Variants in SMG1 observed in about 807,000 individuals in gnomAD.
The protein encoded by SMG1 is serine/threonine-protein kinase SMG1.
A neutral mutation model predicts 419.9 loss-of-function variants in SMG1; 22 were observed. The ratio of observed to expected loss-of-function variants is 0.05; its 90% CI spans 0.04 to 0.07. SMG1 has a LOEUF of 0.07. Among genes scored for constraint, SMG1 ranks in the 10% least tolerant of loss-of-function variants. The pLI is 1.00. For missense variants in SMG1, 3,185 were observed against 4,342.0 expected (o/e 0.73, Z 7.49); for synonymous variants, 1,538 against 1,553.5 (o/e 0.99, Z 0.23).
chr16:18,862,458 TCAA>T (rs1438189085), intron 25 of SMG1, among the ~76,000 whole-genome samples: 5 of 152,222 alleles, frequency 3.3e-5, no homozygotes, highest in Non-Finnish European at 7.3e-5. Context: ...TGCAAATCTC[TCAA>T]GCTTAGACTT....
chr16:18,919,347 G>C (rs992560964), intron 1 of SMG1, among the ~76,000 whole-genome samples: 1 of 149,854 alleles, frequency 6.7e-6, no homozygotes, highest in African/African-American at 2.5e-5. Flanking sequence ...ATTTATGACC[G>C]GGCACGGTGG....
intron 1 of SMG1, 60 bp from the exon 2 acceptor site, chr16:18,897,016 A>G: frequency 8.0e-7 from 1 of 1,246,500 alleles, no homozygotes; most frequent in Non-Finnish European, 1.1e-6. Flanking sequence ...ATATTTCTTT[A>G]TACAAGCCTC....
chr16:18,818,109 G>A (rs1284593780), intron 56 of SMG1, among the ~76,000 whole-genome samples: 2 of 151,728 alleles, frequency 1.3e-5, no homozygotes, highest in African/African-American at 4.8e-5. Context: ...TTGGCCAGGT[G>A]TGGTGGCTCA....
At chr16:18,831,743 A>C (rs1352854831) in intron 51 of SMG1, among the ~76,000 whole-genome samples, 6 of 122,876 alleles carry the variant, frequency 4.9e-5, no homozygotes, top group Admixed American at 8.7e-5. Context: ...CGACACAGCA[A>C]GACTCCATCT....
rs1409281447 is a variant in SMG1 at position 18,892,158 on chromosome 16, A to T, written c.549+60T>A. ...CCATTCTTAAACTACTCAAGGTAGC[A>T]TTACCTAGTTTATTATGGAAACACA... On this transcript the variant is annotated intron_variant, in intron 4 of 62. Coordinates refer to ENST00000446231, the MANE Select transcript of SMG1 (RefSeq NM_015092.5). 3 of 1,094,660 alleles carry T rather than the reference A, an allele frequency of 2.7e-6. No individual in the cohort carries two copies. The East Asian group carries it at 7.7e-5, about 28-fold the overall frequency. 67.8% of individuals were successfully genotyped at this position (1,094,660 alleles called of 1,614,324 possible).
chr16:18,844,750 A>T (rs2034161113), intron 39 of SMG1, among the ~76,000 whole-genome samples: 1 of 152,086 alleles, frequency 6.6e-6, no homozygotes, highest in Non-Finnish European at 1.5e-5. Flanking sequence ...CACTGCTCAA[A>T]TTCAGTAAGG....
intron 55 of SMG1, among the ~76,000 whole-genome samples, chr16:18,820,476 T>C (rs1008513481): frequency 5.3e-5 from 8 of 152,216 alleles, no homozygotes; most frequent in Admixed American, 3.3e-4. Flanking sequence ...AGTGCTGGGA[T>C]TATAGGCATG....
intron 55 of SMG1, among the ~76,000 whole-genome samples, chr16:18,820,367 T>C (rs942083963): frequency 2.6e-5 from 4 of 151,660 alleles, no homozygotes; most frequent in Non-Finnish European, 5.9e-5. Flanking sequence ...CATGCCCAAC[T>C]AATTTTTTGT....
At chr16:18,910,649 C>T (rs1307113977) in intron 1 of SMG1, among the ~76,000 whole-genome samples, 4 of 151,884 alleles carry the variant, frequency 2.6e-5, no homozygotes, top group Admixed American at 6.6e-5. Context: ...CCACCATGCC[C>T]GGCCCAAAAT....
chr16:18,886,056 T>C (rs1769136831), intron 6 of SMG1, among the ~76,000 whole-genome samples: 1 of 152,204 alleles, frequency 6.6e-6, no homozygotes, highest in Non-Finnish European at 1.5e-5. Flanking sequence ...TTTGTTAATA[T>C]TAGTCCTTTG....
intron 3 of SMG1, among the ~76,000 whole-genome samples, chr16:18,893,756 G>GGTAAA (rs1230747087): frequency 1.4e-5 from 2 of 148,062 alleles, no homozygotes; most frequent in African/African-American, 2.5e-5. Flanking sequence ...AGAAAACATT[G>GGTAAA]GTAAAAAAAG....
chr16:18,882,196 C>A lies in SMG1; in HGVS notation c.1262G>T (p.Gly421Val). Reference protein sequence around the residue: ...SIGERFSPIRGPPITEAYVTD... With the variant: ...SIGERFSPIRVPPITEAYVTD... ...TACATATGCCTCAGTAATTGGAGGA[C>A]CCCGAATTGGGCTGAAGCGTTCCCC... Residue 421 changes from glycine to valine, a missense_variant, in exon 10 of 63, where the codon GGT becomes GTT. Gly to Val is a moderately radical substitution (Grantham distance 109). Transcript: ENST00000446231. 1 of 1,587,174 alleles carries A rather than the reference C, an allele frequency of 6.3e-7. No homozygotes were observed. Among genetic ancestry groups the A allele is most frequent in the Non-Finnish European group, 8.6e-7 (1 of 1,168,196 alleles).
chr16:18,815,697 G>C lies in SMG1; in HGVS notation c.10303-46C>G, dbSNP rs74752226. 3.1e-3 allele frequency: 4,723 copies of C among 1,518,372 alleles called. 129 individuals carry two copies. In the African/African-American group the frequency reaches 0.058, roughly 19 times the overall value. 94.1% of individuals were successfully genotyped at this position (1,518,372 alleles called of 1,614,324 possible). A position where few individuals can be genotyped will look rare whatever the true frequency, so the allele number is the denominator to read the frequency against. On this transcript the variant is annotated intron_variant, in intron 58 of 62. Transcript: ENST00000446231. ...ATTAAGAAAAATAGTTTTAGTATCA[G>C]TAATTACTCTCAAGACAGTCACCTA...
At chr16:18,918,806 C>G (rs1397217424) in intron 1 of SMG1, among the ~76,000 whole-genome samples, 1 of 152,046 alleles carries the variant, frequency 6.6e-6, no homozygotes, top group Non-Finnish European at 1.5e-5. Flanking sequence ...CACCTGAGGT[C>G]AGGAGTTCAA....
chr16:18,894,869 G>A (rs563191268), intron 3 of SMG1, among the ~76,000 whole-genome samples: 1 of 152,162 alleles, frequency 6.6e-6, no homozygotes, highest in East Asian at 1.9e-4. Context: ...CCAGGCTGGG[G>A]TGCAGTGGCG....
At chr16:18,897,394 A>G (rs1005124067) in intron 1 of SMG1, among the ~76,000 whole-genome samples, 2 of 152,202 alleles carry the variant, frequency 1.3e-5, no homozygotes, top group African/African-American at 2.4e-5. Flanking sequence ...CTGTCATAAA[A>G]ATAAAAAACA....
intron 39 of SMG1, among the ~76,000 whole-genome samples, chr16:18,844,964 A>G (rs779219833): frequency 7.2e-5 from 11 of 152,238 alleles, no homozygotes; most frequent in African/African-American, 1.2e-4. Context: ...CATCCCACGC[A>G]GCATATGTGG....
chr16:18,913,406 T>C (rs766499542), intron 1 of SMG1, among the ~76,000 whole-genome samples: 8 of 152,128 alleles, frequency 5.3e-5, no homozygotes, highest in East Asian at 1.9e-4. Context: ...TAACATCAGG[T>C]TGAAATGCTA....
At chr16:18,891,150 T>TA (rs2036857922) in intron 4 of SMG1, among the ~76,000 whole-genome samples, 1 of 152,166 alleles carries the variant, frequency 6.6e-6, no homozygotes, top group Admixed American at 6.5e-5. Flanking sequence ...AACAAAAAAA[T>TA]AAACTCAAAA....
Sources: allele counts gnomAD v4.1 joint callset (sites outside exome capture counted in the v4.1 genomes callset), GRCh38; gene constraint gnomAD v4.1.1; transcripts MANE v1.5; gene names NCBI Gene and HGNC (gene_info 2026-07-23, HGNC 2026-07-21).